The following IL4I1 variants were observed in gnomAD, a reference collection of about 807,000 sequenced individuals.
The protein encoded by IL4I1 is L-amino-acid oxidase.
A neutral mutation model predicts 29.7 loss-of-function variants in IL4I1; 24 were observed. That is an observed-to-expected ratio of 0.81 (90% CI 0.59 to 1.14). The LOEUF (loss-of-function observed/expected upper bound fraction) is 1.14, where lower values mean the gene tolerates loss of function less well. Ranked by LOEUF, IL4I1 falls within the 50% of genes most tolerant of loss-of-function variation. IL4I1 has a pLI of 0.00. For synonymous variants in IL4I1, 371 were observed against 352.5 expected (o/e 1.05, Z -0.59); for missense variants, 686 against 785.6 (o/e 0.87, Z 1.52).
At chr19:49,909,743 T>C (rs1456610201) in intron 2 of IL4I1, 1 of 1,614,076 alleles carries the variant, frequency 6.2e-7, no homozygotes, top group South Asian at 1.1e-5. Context: ...TGTTGCCGTC[T>C]TTGCAGTGCC....
intron 2 of IL4I1, among the ~76,000 whole-genome samples, chr19:49,906,535 T>A (rs931171691): frequency 1.3e-5 from 2 of 152,184 alleles, no homozygotes; most frequent in Non-Finnish European, 2.9e-5. Flanking sequence ...TTCTACGACA[T>A]AACTGTCACA....
chr19:49,906,217 T>C (rs2075321371), intron 2 of IL4I1, among the ~76,000 whole-genome samples: 1 of 152,084 alleles, frequency 6.6e-6, no homozygotes, highest in African/African-American at 2.4e-5. Context: ...AACATGTGTG[T>C]ATATTTTTTG....
At chr19:49,905,217 T>G (rs2075306379) in intron 2 of IL4I1, among the ~76,000 whole-genome samples, 1 of 152,244 alleles carries the variant, frequency 6.6e-6, no homozygotes, top group South Asian at 2.1e-4. Context: ...AAAATATACA[T>G]GTACACTTTG....
intron 2 of IL4I1, among the ~76,000 whole-genome samples, chr19:49,911,711 T>C (rs1013428072): frequency 9.9e-5 from 15 of 152,212 alleles, no homozygotes; most frequent in African/African-American, 3.6e-4. Flanking sequence ...TGGGCGTCCA[T>C]CACTACTGAC....
upstream of IL4I1, chr19:49,897,004 C>T: frequency 2.4e-6 from 1 of 424,642 alleles, no homozygotes; most frequent in Non-Finnish European, 3.1e-6. Context: ...TGGTCCAATG[C>T]TCAGAGTCTA....
At chr19:49,909,943 A>T in intron 2 of IL4I1, 1 of 868,086 alleles carries the variant, frequency 1.2e-6, no homozygotes. Context: ...GCTCAGTGGC[A>T]TGACTGGGCA....
At chr19:49,925,057 T>G (rs975284753) in intron 2 of IL4I1, among the ~76,000 whole-genome samples, 1 of 151,486 alleles carries the variant, frequency 6.6e-6, no homozygotes, top group Non-Finnish European at 1.5e-5. Context: ...AGTTCGGGAG[T>G]TCGAGACCAG....
At chr19:49,920,129 C>T (rs1001526587) in intron 2 of IL4I1, among the ~76,000 whole-genome samples, 5 of 152,010 alleles carry the variant, frequency 3.3e-5, no homozygotes, top group Non-Finnish European at 7.4e-5. Flanking sequence ...TGTCATCAGG[C>T]TGGAGTGCAG....
At chr19:49,894,183 C>A in intron 5 of IL4I1, 85 bp downstream of exon 5, 2 of 1,335,330 alleles carry the variant, frequency 1.5e-6, no homozygotes, top group Non-Finnish European at 2.1e-6. Context: ...TGAAGGGATG[C>A]CAGAGAGAAG....
At chr19:49,890,640 C>T (rs750065005) in intron 7 of IL4I1, 40 bp from the exon 8 acceptor site, 20 of 1,446,112 alleles carry the variant, frequency 1.4e-5, no homozygotes, top group Non-Finnish European at 1.7e-5. Context: ...GTGACCTGGG[C>T]TCTGCGGCCC....
At chr19:49,908,033 C>T (rs2075362458) in intron 2 of IL4I1, 2 of 1,108,074 alleles carry the variant, frequency 1.8e-6, no homozygotes, top group South Asian at 3.3e-5. Context: ...AGAAGCCACA[C>T]CCATGAGGCT....
chr19:49,897,633 G>A (rs1345291830), upstream of IL4I1, among the ~76,000 whole-genome samples: 1 of 152,228 alleles, frequency 6.6e-6, no homozygotes, highest in Non-Finnish European at 1.5e-5. Context: ...CCACCCGGCA[G>A]AGGGAAGCGC....
intron 2 of IL4I1, among the ~76,000 whole-genome samples, chr19:49,919,818 A>G (rs2075720963): frequency 6.6e-6 from 1 of 152,208 alleles, no homozygotes; most frequent in Admixed American, 6.5e-5. Context: ...AAAGGACTGG[A>G]AGAGATTTGA....
At chr19:49,922,206 CA>C (rs2075782008) in intron 2 of IL4I1, among the ~76,000 whole-genome samples, 2 of 152,220 alleles carry the variant, frequency 1.3e-5, no homozygotes, top group Admixed American at 1.3e-4. Flanking sequence ...TGACACAGCC[CA>C]ACTCCTCAAG....
In IL4I1 at chr19:49,889,831, C is replaced by T. The variant is rs867248521; in HGVS notation, c.1543G>A (p.Ala515Thr). 6.4e-7 allele frequency: 1 copy of T among 1,570,240 alleles called. No homozygotes were observed. ...NSRKGPASDT[A>T]SPEGHASDME... is the part of the protein sequence containing the mutation. ...TCAGATGCGTGCCCCTCGGGGCTGG[C>T]CGTGTCCGATGCAGGCCCCTTCCGG... The change falls in exon 8 of 8, where the codon GCC becomes ACC. Residue 515 changes from alanine to threonine, a missense_variant. Ala to Thr is a moderately conservative substitution (Grantham distance 58). Transcript: ENST00000391826.
intron 3 of IL4I1, among the ~76,000 whole-genome samples, chr19:49,902,964 A>G (rs2075283945): frequency 6.8e-6 from 1 of 148,006 alleles, no homozygotes; most frequent in East Asian, 2.0e-4. Context: ...AAAATACGAA[A>G]ATTAGCTGGG....
chr19:49,922,458 T>A (rs2075788354), intron 2 of IL4I1, among the ~76,000 whole-genome samples: 1 of 151,972 alleles, frequency 6.6e-6, no homozygotes, highest in African/African-American at 2.4e-5. Context: ...GACCGGGCTG[T>A]GTCGGAATGA....
upstream of IL4I1, among the ~76,000 whole-genome samples, chr19:49,897,385 G>A (rs1483702677): frequency 2.0e-5 from 3 of 152,154 alleles, no homozygotes; most frequent in Non-Finnish European, 4.4e-5. Context: ...CATGGGTGTA[G>A]CAGTGGGGCT....
At chr19:49,892,446 A>G (rs184755341) in intron 5 of IL4I1, among the ~76,000 whole-genome samples, 1 of 152,038 alleles carries the variant, frequency 6.6e-6, no homozygotes. Context: ...ATCTCAGCAG[A>G]ACCAAGATCC....
Sources: gnomAD v4.1 joint callset for allele counts (sites outside exome capture counted in the v4.1 genomes callset) on GRCh38, gnomAD v4.1.1 for gene constraint, MANE v1.5 for transcripts, NCBI Gene and HGNC (gene_info 2026-07-23, HGNC 2026-07-21) for gene names.